MAPK10: variants seen among roughly 807,000 people sequenced by gnomAD.
MAPK10 encodes the protein mitogen-activated protein kinase 10.
A neutral mutation model predicts 59.3 loss-of-function variants in MAPK10; 25 were observed. That is an observed-to-expected ratio of 0.42 (90% CI 0.31 to 0.59). The LOEUF is 0.59. Ranked by LOEUF, MAPK10 falls within the 20% of genes least tolerant of loss-of-function variation. The pLI is 0.15. For synonymous variants in MAPK10, 190 were observed against 200.5 expected (o/e 0.95, Z 0.44); for missense variants, 351 against 568.9 (o/e 0.62, Z 3.90).
intron 2 of MAPK10, 69 bp from the exon 3 acceptor site, chr4:86,194,476 T>C (rs1024016125): frequency 6.5e-6 from 6 of 928,444 alleles, no homozygotes; most frequent in Non-Finnish European, 1.1e-5. Flanking sequence ...AATATAGATT[T>C]TGGCATAATT....
At chr4:86,196,917 A>C (rs1232647179) in intron 2 of MAPK10, among the ~76,000 whole-genome samples, 1 of 152,046 alleles carries the variant, frequency 6.6e-6, no homozygotes, top group Non-Finnish European at 1.5e-5. Context: ...CCATTGGTCT[A>C]TATATTTGTT....
chr4:86,244,807 T>C (rs1213413407), intron 2 of MAPK10, among the ~76,000 whole-genome samples: 3 of 152,234 alleles, frequency 2.0e-5, no homozygotes, highest in Non-Finnish European at 4.4e-5. Context: ...TCTTATTAAG[T>C]ATTCTCACAT....
intron 1 of MAPK10, among the ~76,000 whole-genome samples, chr4:86,390,644 T>C (rs1742068733): frequency 6.6e-6 from 1 of 152,134 alleles, no homozygotes; most frequent in East Asian, 1.9e-4. Context: ...GACTGGCACT[T>C]TGAGAGTTGT....
intron 1 of MAPK10, among the ~76,000 whole-genome samples, chr4:86,582,841 T>C (rs1218613783): frequency 6.6e-6 from 1 of 152,198 alleles, no homozygotes; most frequent in Non-Finnish European, 1.5e-5. Context: ...TATATTTTTA[T>C]CTTACTACTG....
At chr4:86,113,034 C>A (rs1015236612) in intron 4 of MAPK10, among the ~76,000 whole-genome samples, 1 of 151,890 alleles carries the variant, frequency 6.6e-6, no homozygotes, top group Non-Finnish European at 1.5e-5. Flanking sequence ...ACCAGGATTG[C>A]AACCCCTGCC....
At chr4:86,136,401 AT>A (rs1274568508) in intron 4 of MAPK10, among the ~76,000 whole-genome samples, 1 of 152,058 alleles carries the variant, frequency 6.6e-6, no homozygotes, top group African/African-American at 2.4e-5. Flanking sequence ...AAAGAAAAGA[AT>A]TTTCAACCCA....
chr4:86,476,568 T>C (rs368845578), intron 1 of MAPK10, among the ~76,000 whole-genome samples: 9 of 152,102 alleles, frequency 5.9e-5, no homozygotes, highest in Admixed American at 4.6e-4. Flanking sequence ...CAGAAGGCCG[T>C]CTTATTCTCA....
intron 11 of MAPK10, among the ~76,000 whole-genome samples, chr4:86,057,031 T>C (rs2044703531): frequency 6.7e-6 from 1 of 148,958 alleles, no homozygotes; most frequent in African/African-American, 2.5e-5. Context: ...TGGTGCGATC[T>C]CGGCTCACTG....
At chr4:86,163,349 T>A (rs1335174892) in intron 3 of MAPK10, among the ~76,000 whole-genome samples, 1 of 152,170 alleles carries the variant, frequency 6.6e-6, no homozygotes, top group Non-Finnish European at 1.5e-5. Flanking sequence ...CTATATAGTA[T>A]TCCTTGTCAT....
chr4:86,461,253 T>G (rs1010629061), intron 1 of MAPK10, among the ~76,000 whole-genome samples: 4 of 152,020 alleles, frequency 2.6e-5, no homozygotes, highest in African/African-American at 9.7e-5. Flanking sequence ...CAGCTTGGTT[T>G]TATACATTTG....
rs547083004 is a variant in MAPK10 at position 86,034,827 on chromosome 4, G to T, written c.1111-3396C>A. On this transcript the variant is annotated intron_variant, in intron 11 of 13. Transcript: ENST00000641462. Reference sequence around the variant, plus strand: ...GTGGGAGGTTGTCAAGATAAAAGAAGGAGGAAAAAAGTGACTCCATGCCAA... The same window carrying T: ...GTGGGAGGTTGTCAAGATAAAAGAATGAGGAAAAAAGTGACTCCATGCCAA... Among the ~76,000 whole-genome samples the T allele has an allele frequency of 2.3e-4, 35 of 152,174 alleles. No homozygotes were observed. The South Asian group carries it at 6.4e-3, about 28-fold the overall frequency.
At chr4:86,573,891 T>C (rs1761657906) in intron 1 of MAPK10, among the ~76,000 whole-genome samples, 1 of 152,322 alleles carries the variant, frequency 6.6e-6, no homozygotes, top group East Asian at 1.9e-4. Flanking sequence ...TACAAGTATA[T>C]AGAGAAATGC....
chr4:86,075,128 C>T (rs1258135437), intron 9 of MAPK10, among the ~76,000 whole-genome samples: 4 of 151,766 alleles, frequency 2.6e-5, no homozygotes, highest in African/African-American at 9.7e-5. Flanking sequence ...TCCCTTCTCG[C>T]TTCATTTCAT....
chr4:86,136,477 GC>G, intron 4 of MAPK10, among the ~76,000 whole-genome samples: 1 of 149,992 alleles, frequency 6.7e-6, no homozygotes, highest in South Asian at 2.1e-4. Flanking sequence ...TTACAGACAA[GC>G]AAATGCTGAG....
chr4:86,456,730 AAAG>A (rs1287307098), upstream of MAPK10, among the ~76,000 whole-genome samples: 2 of 152,338 alleles, frequency 1.3e-5, no homozygotes, highest in South Asian at 2.1e-4. Context: ...CCAGACATTC[AAAG>A]AAGAATTGAT....
intron 11 of MAPK10, among the ~76,000 whole-genome samples, chr4:86,038,662 C>T (rs546601298): frequency 1.3e-5 from 2 of 151,804 alleles, no homozygotes; most frequent in Non-Finnish European, 2.9e-5. Flanking sequence ...ATGATATGCA[C>T]TTTTATTGTT....
At chr4:86,449,041 A>G (rs1036888702) in intron 1 of MAPK10, among the ~76,000 whole-genome samples, 2 of 152,182 alleles carry the variant, frequency 1.3e-5, no homozygotes, top group African/African-American at 4.8e-5. Flanking sequence ...CGGTAATGCA[A>G]GCAACTGTAA....
At chr4:86,182,990 G>A (rs1233126534) in intron 3 of MAPK10, among the ~76,000 whole-genome samples, 3 of 151,930 alleles carry the variant, frequency 2.0e-5, no homozygotes, top group Non-Finnish European at 2.9e-5. Context: ...AAGTTGAACT[G>A]AAAAATAACG....
At position 86,131,956 on chromosome 4, in the gene MAPK10, G is replaced by A. The variant is rs2061080844; in HGVS notation, c.237-24604C>T. On this transcript the variant is annotated intron_variant, in intron 4 of 13. Transcript: ENST00000641462. Reference sequence around the variant, plus strand: ...ATGAACCTAAAGGAATACAAAACTGGAACTTAACTCCAAGGGTTATCTCAT... The same window carrying A: ...ATGAACCTAAAGGAATACAAAACTGAAACTTAACTCCAAGGGTTATCTCAT... Among the ~76,000 whole-genome samples the A allele has an allele frequency of 2.0e-5, 3 of 152,212 alleles. No individual in the cohort carries two copies. In the South Asian group the frequency reaches 6.2e-4, roughly 32 times the overall value.
Sources: allele counts gnomAD v4.1 joint callset (sites outside exome capture counted in the v4.1 genomes callset), GRCh38; gene constraint gnomAD v4.1.1; transcripts MANE v1.5; gene names NCBI Gene and HGNC (gene_info 2026-07-23, HGNC 2026-07-21).